MMP24: variants seen among roughly 807,000 people sequenced by gnomAD.
The protein encoded by MMP24 is matrix metalloproteinase-24.
Under a neutral mutation model 62.8 loss-of-function variants are expected in MMP24, and 25 were observed. The ratio of observed to expected loss-of-function variants is 0.40; its 90% CI spans 0.29 to 0.56. The LOEUF (loss-of-function observed/expected upper bound fraction) is 0.56, where lower values mean the gene tolerates loss of function less well. MMP24 is among the 20% of genes least tolerant of loss of function. The probability of loss-of-function intolerance (pLI) is 0.50; values close to 1 mark genes in which losing one functional copy is unlikely to be tolerated. For missense variants in MMP24, 634 were observed against 853.6 expected, an observed-to-expected ratio of 0.74 and a Z score of 3.21; for synonymous variants, 319 against 350.5, an observed-to-expected ratio of 0.91 and a Z score of 1.00.
Position 35,246,919 on chromosome 20 carries a change from C to T in MMP24, c.326C>T (p.Ser109Leu), listed in dbSNP as rs755087309. The change falls in exon 2 of 9, where the codon TCG (serine) becomes TTG (leucine). Residue 109 changes from serine to leucine, a missense_variant. Transcript: ENST00000246186. Reference protein sequence around the residue: ...SALHSAKALQSAVSTMQQFYG... With the variant: ...SALHSAKALQLAVSTMQQFYG... ...CTGCACTCAGCGAAGGCCTTGCAGT[C>T]GGCAGTCTCCACTATGCAGCAGTTT... is the stretch of plus-strand genomic sequence containing the variant. 3.4e-5 allele frequency: 55 copies of T among 1,613,918 alleles called. No homozygotes were observed. Among genetic ancestry groups the T allele is most frequent in the South Asian group, 4.4e-5 (4 of 91,086 alleles).
At chr20:35,245,376 A>C (rs955109270) in intron 1 of MMP24, among the ~76,000 whole-genome samples, 1 of 152,102 alleles carries the variant, frequency 6.6e-6, no homozygotes, top group African/African-American at 2.4e-5. Flanking sequence ...ACATCTAACT[A>C]TACTTACTTT....
Position 35,254,717 on chromosome 20 carries a change from C to A in MMP24, c.780C>A (p.Ser260=), listed in dbSNP as rs538836643. The A allele has an allele frequency of 1.2e-6, 2 of 1,613,958 alleles. No homozygotes were observed. ...TTGGAGGAGACACCCACTTTGACTC[C>A]GATGAGCCATGGACGCTAGGAAATG... is the stretch of plus-strand genomic sequence containing the variant. ...PGIGGDTHFD[S]DEPWTLGNAN... The change falls in exon 4 of 9, where the codon TCC becomes TCA. Residue 260 remains serine, a synonymous_variant. Transcript: ENST00000246186.
chr20:35,243,517 C>A (rs1362634435), intron 1 of MMP24, among the ~76,000 whole-genome samples: 1 of 152,152 alleles, frequency 6.6e-6, no homozygotes, highest in African/African-American at 2.4e-5. Context: ...GTTGAATGCA[C>A]ATAATGAGCA....
chr20:35,262,041 A>T (rs2060606239), intron 4 of MMP24, among the ~76,000 whole-genome samples: 2 of 151,858 alleles, frequency 1.3e-5, no homozygotes, highest in Non-Finnish European at 1.5e-5. Flanking sequence ...ACCTCAAGTG[A>T]TCCACCCCGA....
chr20:35,266,248 A>G (rs2060634327), intron 5 of MMP24, among the ~76,000 whole-genome samples: 1 of 139,516 alleles, frequency 7.2e-6, no homozygotes, highest in South Asian at 2.5e-4. Context: ...GCTACTTGGG[A>G]GGATGAGGCA....
intron 4 of MMP24, among the ~76,000 whole-genome samples, chr20:35,262,093 C>T (rs536684990): frequency 9.2e-5 from 14 of 152,304 alleles, no homozygotes; most frequent in South Asian, 6.2e-4. Context: ...TGAGCCACCA[C>T]GCCCAGCCAG....
In MMP24 at chr20:35,271,597, G is replaced by A. The variant is rs1294930212; in HGVS notation, c.1362G>A (p.Val454=). The part of the protein sequence containing the change: ...KGDKYWVFKE[V]TVEPGYPHSL... ...ACAAGTATTGGGTGTTTAAGGAGGTGACGGTGGAGCCTGGGTACCCCCACA... is the reference window on the plus strand; with the variant it reads ...ACAAGTATTGGGTGTTTAAGGAGGTAACGGTGGAGCCTGGGTACCCCCACA... Residue 454 remains valine, a synonymous_variant, in exon 8 of 9, where the codon GTG becomes GTA. Transcript: ENST00000246186. This position sits in a 1 kb window ranked among gnomAD's most constrained non-coding sequence, Gnocchi z 4.0. The A allele has an allele frequency of 1.9e-6, 3 of 1,612,890 alleles. No individual in the cohort carries two copies. The highest frequency in any genetic ancestry group is 3.3e-5 in the Admixed American group (2 of 59,862).
chr20:35,269,633 C>G lies in MMP24; in HGVS notation c.1195-127C>G, dbSNP rs1228779194. On this transcript the variant is annotated intron_variant, in intron 6 of 8. Transcript: ENST00000246186. This position sits in a 1 kb window ranked among gnomAD's most constrained non-coding sequence, Gnocchi z 4.6. ...GTCTTCCTCCCAGGGCTTTAAAAGT[C>G]AGAAGCAGCTAATGGACAGTCTCGG... 8.5e-7 allele frequency: 1 copy of G among 1,182,920 alleles called. No homozygotes were observed. Among genetic ancestry groups the G allele is most frequent in the Admixed American group, 2.7e-5 (1 of 36,628 alleles). 73.3% of individuals were successfully genotyped at this position (1,182,920 alleles called of 1,614,324 possible).
intron 1 of MMP24, among the ~76,000 whole-genome samples, chr20:35,231,013 T>A (rs1205468891): frequency 6.6e-6 from 1 of 152,226 alleles, no homozygotes; most frequent in East Asian, 1.9e-4. Flanking sequence ...TAGTCTTTCT[T>A]TTTTATCTTA....
At chr20:35,261,924 C>T (rs1392088468) in intron 4 of MMP24, among the ~76,000 whole-genome samples, 2 of 151,798 alleles carry the variant, frequency 1.3e-5, no homozygotes, top group South Asian at 2.1e-4. Flanking sequence ...CCTCTACCTC[C>T]GGAGTAGCTG....
Position 35,253,270 on chromosome 20 carries a change from C to CTTTTTTTTTTTTTTTTTTTTTT in MMP24, c.513-1178_513-1157dup, listed in dbSNP as rs34474017. ...GACAAGCACTCCCTACAGAACGGGA[C>CTTTTTTTTTTTTTTTTTTTTTT]TTTTTTTTTTTTTTTTTTTTTTTCA... On this transcript the variant is annotated intron_variant, in intron 3 of 8. Coordinates refer to ENST00000246186, the MANE Select transcript of MMP24 (RefSeq NM_006690.4). 5.1e-5 allele frequency among the ~76,000 whole-genome samples: 4 copies of CTTTTTTTTTTTTTTTTTTTTTT among 79,050 alleles called. 1 individual carries two copies. Among genetic ancestry groups the CTTTTTTTTTTTTTTTTTTTTTT allele is most frequent in the South Asian group, 8.4e-4 (2 of 2,368 alleles). 51.9% of individuals were successfully genotyped at this position (79,050 alleles called of 152,430 possible).
chr20:35,249,480 A>AT (rs1327479275), intron 2 of MMP24, among the ~76,000 whole-genome samples: 6 of 151,916 alleles, frequency 3.9e-5, no homozygotes, highest in African/African-American at 1.5e-4. Context: ...TGAATAGTTC[A>AT]TTTTTTCATT....
At chr20:35,230,963 G>A (rs2425018) in intron 1 of MMP24, among the ~76,000 whole-genome samples, 25,383 of 151,336 alleles carry the variant, frequency 0.17, 2,357 homozygotes, top group African/African-American at 0.25. Context: ...CACAACCCCC[G>A]ACCCCTTGAA....
In MMP24 at chr20:35,269,721, C is replaced by T. The variant is rs773625773; in HGVS notation, c.1195-39C>T. 1.6e-4 allele frequency: 250 copies of T among 1,555,442 alleles called. No homozygotes were observed. The highest frequency in any genetic ancestry group is 2.1e-4 in the Non-Finnish European group (247 of 1,149,822). On this transcript the variant is annotated intron_variant, in intron 6 of 8. Coordinates refer to ENST00000246186, the MANE Select transcript of MMP24 (RefSeq NM_006690.4). The surrounding 1 kb of genome is among the most constrained non-coding windows in gnomAD (Gnocchi z 4.6). ...GCAATCACTGGGTTCGGAGGCAGGG[C>T]CTGACACACCTCTCTCCCCCTCTCC...
chr20:35,266,058 T>C (rs917010144), intron 5 of MMP24, among the ~76,000 whole-genome samples: 3 of 150,166 alleles, frequency 2.0e-5, no homozygotes, highest in African/African-American at 4.9e-5. Context: ...TAGTTGGGTA[T>C]TGGGCGTGGT....
intron 1 of MMP24, among the ~76,000 whole-genome samples, chr20:35,246,555 A>G (rs1234628675): frequency 6.6e-6 from 1 of 152,202 alleles, no homozygotes; most frequent in Non-Finnish European, 1.5e-5. Context: ...ATAAATGAGT[A>G]AAGAGGCAGG....
At chr20:35,227,267 G>A (rs1000389856) in intron 1 of MMP24, among the ~76,000 whole-genome samples, 1 of 151,860 alleles carries the variant, frequency 6.6e-6, no homozygotes, top group Non-Finnish European at 1.5e-5. Flanking sequence ...GCAGTGGGGT[G>A]TGTGGCCTGC....
In MMP24 at chr20:35,263,875, C is replaced by T. The variant is rs1328257479; in HGVS notation, c.902C>T (p.Ala301Val). ...EHSSDPSAIM[A>V]PFYQYMETHN... ...TCCAGCGACCCCAGCGCCATCATGG[C>T]GCCCTTCTACCAGTACATGGAGACG... The change falls in exon 5 of 9, where the codon GCG (alanine) becomes GTG (valine). Residue 301 changes from alanine (A) to valine (V), a missense_variant. Around this residue, in one of 3 missense-constraint regions of MMP24, gnomAD observed 399 missense variants for 530.8 expected, o/e 0.75. Transcript: ENST00000246186. The T allele has an allele frequency of 2.5e-6, 4 of 1,612,956 alleles. No individual in the cohort carries two copies. Among genetic ancestry groups the T allele is most frequent in the Non-Finnish European group, 2.5e-6 (3 of 1,179,500 alleles).
At chr20:35,232,099 T>G (rs2060440486) in intron 1 of MMP24, among the ~76,000 whole-genome samples, 1 of 152,248 alleles carries the variant, frequency 6.6e-6, no homozygotes, top group Admixed American at 6.5e-5. Flanking sequence ...GTTCTTGGGC[T>G]CAGCACTCTG....
Sources: allele counts gnomAD v4.1 joint callset (sites outside exome capture counted in the v4.1 genomes callset), GRCh38; gene constraint gnomAD v4.1.1; regional missense constraint gnomAD v4.1.1; non-coding constraint Gnocchi (gnomAD v3.1); transcripts MANE v1.5; gene names NCBI Gene and HGNC (gene_info 2026-07-23, HGNC 2026-07-21).